The following AFF4 variants were observed in gnomAD, a reference collection of about 807,000 sequenced individuals.
AFF4 encodes the protein AF4/FMR2 family member 4.
In AFF4, 13 loss-of-function variants were observed where a neutral mutation model predicts 124.8. The ratio of observed to expected loss-of-function variants is 0.10; its 90% CI spans 0.07 to 0.17. The LOEUF (loss-of-function observed/expected upper bound fraction) is 0.17, where lower values mean the gene tolerates loss of function less well. AFF4 is among the 10% of genes least tolerant of loss of function. The pLI, the probability that AFF4 is intolerant of heterozygous loss-of-function variation, is 1.00. For synonymous variants in AFF4, 477 were observed against 496.1 expected, an observed-to-expected ratio of 0.96 and a Z score of 0.51; for missense variants, 1,092 against 1,403.8, an observed-to-expected ratio of 0.78 and a Z score of 3.55.
At chr5:132,904,965 C>T (rs2150078323) in intron 5 of AFF4, among the ~76,000 whole-genome samples, 1 of 149,444 alleles carries the variant, frequency 6.7e-6, no homozygotes, top group Non-Finnish European at 1.5e-5. Context: ...AGGAGAATCA[C>T]TTGAACCCTG....
In AFF4 at chr5:132,904,465, A is replaced by T. The variant is rs1581287084; in HGVS notation, c.1051-61T>A. 9 of 1,398,052 alleles carry T rather than the reference A, an allele frequency of 6.4e-6. No individual in the cohort carries two copies. In the East Asian group the frequency reaches 9.2e-5, roughly 14 times the overall value. 86.6% of individuals were successfully genotyped at this position (1,398,052 alleles called of 1,614,324 possible). A position where few individuals can be genotyped will look rare whatever the true frequency, so the allele number is the denominator to read the frequency against. ...ACTAAAAAAGAAAGATTAGTGAAAA[A>T]TGCTTAAATTACATAAAAACACTTC... On this transcript the variant is annotated intron_variant, in intron 5 of 20. Transcript: ENST00000265343.
chr5:132,920,566 G>T (rs1761019919), intron 5 of AFF4, among the ~76,000 whole-genome samples: 1 of 151,592 alleles, frequency 6.6e-6, no homozygotes. Context: ...TGTTGACCAG[G>T]CTAGTCTCAC....
intron 1 of AFF4, among the ~76,000 whole-genome samples, chr5:132,941,215 C>T (rs996489876): frequency 2.0e-5 from 3 of 152,128 alleles, no homozygotes; most frequent in African/African-American, 7.2e-5. Flanking sequence ...GTAATTTCAA[C>T]TCCTCCAACG....
At chr5:132,933,356 C>T (rs895358436) in intron 3 of AFF4, among the ~76,000 whole-genome samples, 1 of 150,508 alleles carries the variant, frequency 6.6e-6, no homozygotes, top group Non-Finnish European at 1.5e-5. Context: ...GAAATCGTGC[C>T]GTTGCACTCT....
intron 5 of AFF4, among the ~76,000 whole-genome samples, chr5:132,922,133 A>C (rs1258914700): frequency 6.6e-6 from 1 of 152,178 alleles, no homozygotes; most frequent in East Asian, 1.9e-4. Context: ...AGACATAAAA[A>C]CAGGCCAGAT....
At chr5:132,904,227 AG>A in intron 6 of AFF4, 140 bp downstream of exon 6, 2 of 624,620 alleles carry the variant, frequency 3.2e-6, no homozygotes, top group Non-Finnish European at 4.9e-6. Context: ...ACTACACTCC[AG>A]AAAAAAAAAA....
chr5:132,937,543 T>G, intron 1 of AFF4: 2 of 159,764 alleles, frequency 1.3e-5, no homozygotes, highest in Non-Finnish European at 1.4e-5. Flanking sequence ...TTTTGGGCCC[T>G]CCTCTTCAGA....
chr5:132,936,992 A>C, intron 2 of AFF4, 75 bp downstream of exon 2: 1 of 1,522,826 alleles, frequency 6.6e-7, no homozygotes, highest in Non-Finnish European at 8.9e-7. Flanking sequence ...TAATATAAAC[A>C]TTCAAGTGTG....
chr5:132,928,072 C>T (rs1325519163), intron 4 of AFF4, among the ~76,000 whole-genome samples: 2 of 151,980 alleles, frequency 1.3e-5, no homozygotes, highest in African/African-American at 4.8e-5. Flanking sequence ...TGGTGTAACA[C>T]CTAGGAATTT....
At chr5:132,897,362 C>CATAGAGAACCATT in intron 10 of AFF4, 122 bp from the exon 11 acceptor site, 6 of 1,020,042 alleles carry the variant, frequency 5.9e-6, no homozygotes, top group Non-Finnish European at 8.7e-6. Context: ...GCAAATGGTT[C>CATAGAGAACCATT]TCTATGAACC....
At chr5:132,947,673 A>G (rs146027783) in intron 1 of AFF4, among the ~76,000 whole-genome samples, 20 of 152,330 alleles carry the variant, frequency 1.3e-4, no homozygotes, top group African/African-American at 4.6e-4. Flanking sequence ...CTTTACCACA[A>G]TGCACTATGC....
intron 5 of AFF4, among the ~76,000 whole-genome samples, chr5:132,909,956 A>AT (rs1185242461): frequency 4.6e-5 from 7 of 152,268 alleles, no homozygotes; most frequent in African/African-American, 1.7e-4. Flanking sequence ...GGTAAAGAAC[A>AT]GAATACAAAG....
At chr5:132,959,127 ATT>A (rs70974064) in intron 1 of AFF4, among the ~76,000 whole-genome samples, 18,471 of 143,080 alleles carry the variant, frequency 0.13, 1,739 homozygotes, top group East Asian at 0.45. Context: ...CAGGTTACAG[ATT>A]TTTTTTTTTT....
intron 1 of AFF4, among the ~76,000 whole-genome samples, chr5:132,946,801 TA>T (rs760406713): frequency 6.6e-6 from 1 of 152,190 alleles, no homozygotes; most frequent in Admixed American, 6.6e-5. Flanking sequence ...TTTGCCACAA[TA>T]AAAAAATTAG....
At chr5:132,915,933 G>C (rs1245562856) in intron 5 of AFF4, among the ~76,000 whole-genome samples, 1 of 151,824 alleles carries the variant, frequency 6.6e-6, no homozygotes, top group Non-Finnish European at 1.5e-5. Context: ...TAGAATTTCT[G>C]ACATTAGAAA....
At chr5:132,916,913 G>T (rs960635241) in intron 5 of AFF4, among the ~76,000 whole-genome samples, 1 of 151,774 alleles carries the variant, frequency 6.6e-6, no homozygotes, top group Non-Finnish European at 1.5e-5. Flanking sequence ...TTTAACCAAC[G>T]TTTTTTGTTT....
intron 1 of AFF4, among the ~76,000 whole-genome samples, chr5:132,956,718 A>T (rs11738594): frequency 2.0e-5 from 3 of 151,678 alleles, no homozygotes; most frequent in Admixed American, 2.0e-4. Flanking sequence ...TTTTTCTCCC[A>T]CCATTTAAAA....
chr5:132,928,387 G>A (rs1037967334), intron 4 of AFF4, among the ~76,000 whole-genome samples: 2 of 152,048 alleles, frequency 1.3e-5, no homozygotes, highest in Non-Finnish European at 2.9e-5. Flanking sequence ...TTTCCACAAG[G>A]ACATCTGTCC....
At chr5:132,925,694 GCAAT>G (rs1341513310) in intron 5 of AFF4, among the ~76,000 whole-genome samples, 29 of 152,300 alleles carry the variant, frequency 1.9e-4, no homozygotes, top group African/African-American at 6.3e-4. Context: ...AACCTCACTA[GCAAT>G]CAAGCAAATG....
Sources: allele counts gnomAD v4.1 joint callset (sites outside exome capture counted in the v4.1 genomes callset), GRCh38; gene constraint gnomAD v4.1.1; transcripts MANE v1.5; gene names NCBI Gene and HGNC (gene_info 2026-07-23, HGNC 2026-07-21).